Variants in CFAP418 observed in about 807,000 individuals in gnomAD.
CFAP418 encodes cilia and flagella associated protein 418.
In CFAP418, 27 loss-of-function variants were observed where a neutral mutation model predicts 24.7. The observed-to-expected ratio is 1.09, with a 90% CI of 0.81 to 1.51. The LOEUF (loss-of-function observed/expected upper bound fraction) is 1.51, where lower values mean the gene tolerates loss of function less well. Among genes scored for constraint, CFAP418 ranks in the 40% most tolerant of loss-of-function variants. CFAP418 has a pLI of 0.00. For synonymous variants in CFAP418, 74 were observed against 87.3 expected (o/e 0.85, Z 0.85); for missense variants, 257 against 255.2 (o/e 1.01, Z -0.05).
At chr8:95,266,767 C>T (rs1811987489) in intron 1 of CFAP418, among the ~76,000 whole-genome samples, 1 of 152,082 alleles carries the variant, frequency 6.6e-6, no homozygotes, top group Admixed American at 6.5e-5. Context: ...TTCACTAAGG[C>T]TTTTATGTTA....
chr8:95,252,798 T>C (rs1811729166), intron 4 of CFAP418, among the ~76,000 whole-genome samples: 1 of 152,214 alleles, frequency 6.6e-6, no homozygotes, highest in Non-Finnish European at 1.5e-5. Context: ...AAAAAATATT[T>C]ATTGAGAGTC....
chr8:95,259,945 CA>C, intron 3 of CFAP418, 40 bp from the exon 4 acceptor site: 4 of 1,505,928 alleles, frequency 2.7e-6, no homozygotes, highest in South Asian at 1.3e-5. Flanking sequence ...GAAGTTATAA[CA>C]AAAAATAGGA....
chr8:95,249,025 G>C (rs988454091), intron 5 of CFAP418, among the ~76,000 whole-genome samples: 21 of 152,104 alleles, frequency 1.4e-4, no homozygotes, highest in Non-Finnish European at 2.9e-5. Flanking sequence ...AAACGACTTA[G>C]CTAAGGGAAG....
At chr8:95,261,722 T>C (rs1159945418) in intron 2 of CFAP418, among the ~76,000 whole-genome samples, 2 of 152,220 alleles carry the variant, frequency 1.3e-5, no homozygotes, top group Non-Finnish European at 2.9e-5. Context: ...GATTAAAAAT[T>C]TACTTCTTCA....
At chr8:95,266,967 T>C (rs1811994932) in intron 1 of CFAP418, among the ~76,000 whole-genome samples, 1 of 152,182 alleles carries the variant, frequency 6.6e-6, no homozygotes, top group Admixed American at 6.5e-5. Context: ...TCTCCTAAGA[T>C]GAACAGCTCT....
At chr8:95,258,481 G>A (rs1269818139) in intron 4 of CFAP418, among the ~76,000 whole-genome samples, 14 of 150,946 alleles carry the variant, frequency 9.3e-5, no homozygotes, top group South Asian at 2.1e-4. Context: ...ATAGCTGTAC[G>A]ATGTATTTTA....
chr8:95,247,365 G>T lies in CFAP418; in HGVS notation c.*252C>A. On this transcript the variant is annotated 3_prime_UTR_variant, in exon 6 of 6. Transcript: ENST00000286688. Reference sequence around the variant, plus strand: ...ATAATCAAACCTCTATTAAACAGAAGACAGATTAGTAAAGAATGTAGATGC... The same window carrying T: ...ATAATCAAACCTCTATTAAACAGAATACAGATTAGTAAAGAATGTAGATGC... 2.1e-6 allele frequency: 1 copy of T among 469,950 alleles called. No homozygotes were observed. Among genetic ancestry groups the T allele is most frequent in the East Asian group, 3.8e-5 (1 of 26,506 alleles). The allele number at this position is 469,950 out of a possible 1,614,324, so 29.1% of individuals were successfully genotyped here.
intron 2 of CFAP418, among the ~76,000 whole-genome samples, chr8:95,261,276 T>G (rs1184891418): frequency 6.6e-6 from 1 of 152,216 alleles, no homozygotes; most frequent in African/African-American, 2.4e-5. Flanking sequence ...GCGAAAATAT[T>G]GTTTTACTAT....
chr8:95,268,868 C>T (rs1262638784), intron 1 of CFAP418, 167 bp downstream of exon 1: 3 of 710,012 alleles, frequency 4.2e-6, no homozygotes, highest in Non-Finnish European at 7.1e-6. Context: ...CGAAGAGGGT[C>T]GACGAATGCG....
rs933003623 is a variant in CFAP418 at position 95,247,649 on chromosome 8, G to A, written c.592C>T (p.His198Tyr). The A allele has an allele frequency of 6.2e-7, 1 of 1,614,212 alleles. No homozygotes were observed. Among genetic ancestry groups the A allele is most frequent in the Non-Finnish European group, 8.5e-7 (1 of 1,180,034 alleles). ...TTACCACAAACCCAGCGAAGCTGAT[G>A]ATCTGTCTGAAGGTCAGTCACTTCT... The part of the protein sequence containing the change: ...IEEVTDLQTD[H>Y]QLRWVCGKH Residue 198 changes from histidine to tyrosine, a missense_variant, in exon 6 of 6, where the codon CAT becomes TAT. By Grantham distance (83) the His-to-Tyr change is moderately conservative. Coordinates refer to ENST00000286688, the MANE Select transcript of CFAP418 (RefSeq NM_177965.4).
At chr8:95,253,253 T>C (rs1337809250) in intron 4 of CFAP418, among the ~76,000 whole-genome samples, 1 of 151,292 alleles carries the variant, frequency 6.6e-6, no homozygotes, top group Non-Finnish European at 1.5e-5. Flanking sequence ...GAGATTGCAG[T>C]GAGGGGAGAT....
At chr8:95,256,960 A>G (rs1392375946) in intron 4 of CFAP418, among the ~76,000 whole-genome samples, 1 of 152,254 alleles carries the variant, frequency 6.6e-6, no homozygotes. Flanking sequence ...AAGGATAACA[A>G]TTTGGTAAAG....
Position 95,247,629 on chromosome 8 carries a change from A to G in CFAP418, c.612T>C (p.Cys204=). The change falls in exon 6 of 6, where the codon TGT becomes TGC. Residue 204 remains cysteine, a synonymous_variant. Transcript: ENST00000286688. ...LQTDHQLRWV[C]GKH ...GCAGTCTGCATTCTTAATGTTTACC[A>G]CAAACCCAGCGAAGCTGATGATCTG... 6.2e-7 allele frequency: 1 copy of G among 1,614,222 alleles called. No individual in the cohort carries two copies. Among genetic ancestry groups the G allele is most frequent in the Non-Finnish European group, 8.5e-7 (1 of 1,180,036 alleles).
intron 4 of CFAP418, among the ~76,000 whole-genome samples, chr8:95,256,154 C>T (rs573593747): frequency 1.3e-5 from 2 of 152,004 alleles, no homozygotes; most frequent in South Asian, 2.1e-4. Context: ...AATCAAAGTA[C>T]GTACAAAATA....
chr8:95,256,497 A>G (rs771743469), intron 4 of CFAP418, among the ~76,000 whole-genome samples: 6 of 152,194 alleles, frequency 3.9e-5, no homozygotes, highest in Non-Finnish European at 7.3e-5. Context: ...TTTAAGAGTG[A>G]GGAAACAGGT....
At chr8:95,251,550 T>C (rs925763926) in intron 5 of CFAP418, among the ~76,000 whole-genome samples, 1 of 152,174 alleles carries the variant, frequency 6.6e-6, no homozygotes, top group African/African-American at 2.4e-5. Flanking sequence ...TGGAAGGGTG[T>C]TGAGCAGGAG....
At chr8:95,253,264 C>T (rs1191132876) in intron 4 of CFAP418, among the ~76,000 whole-genome samples, 1 of 151,424 alleles carries the variant, frequency 6.6e-6, no homozygotes, top group Non-Finnish European at 1.5e-5. Flanking sequence ...GAGGGGAGAT[C>T]GCGCCACTGC....
chr8:95,253,138 T>A (rs1054032083), intron 4 of CFAP418, among the ~76,000 whole-genome samples: 1 of 151,988 alleles, frequency 6.6e-6, no homozygotes, highest in South Asian at 2.1e-4. Context: ...TGAAACCCCA[T>A]CTCTACTAAA....
intron 4 of CFAP418, among the ~76,000 whole-genome samples, chr8:95,253,091 C>T (rs1045444879): frequency 1.5e-4 from 23 of 151,988 alleles, no homozygotes; most frequent in East Asian, 5.8e-4. Context: ...GGGCGGATCA[C>T]GAGGTCAGGA....
Sources: gnomAD v4.1 joint callset for allele counts (sites outside exome capture counted in the v4.1 genomes callset) on GRCh38, gnomAD v4.1.1 for gene constraint, MANE v1.5 for transcripts, NCBI Gene and HGNC (gene_info 2026-07-23, HGNC 2026-07-21) for gene names.